The following PKHD1L1 variants were observed in gnomAD, a reference collection of about 807,000 sequenced individuals.
PKHD1L1 encodes PKHD1 like 1.
In PKHD1L1, 434 loss-of-function variants were observed where a neutral mutation model predicts 462.9. The observed-to-expected ratio is 0.94, with a 90% CI of 0.87 to 1.02. The LOEUF (loss-of-function observed/expected upper bound fraction) is 1.02. Ranked by LOEUF, PKHD1L1 falls within the 50% of genes least tolerant of loss-of-function variation. The pLI is 0.00. For missense variants in PKHD1L1, 5,202 were observed against 5,096.1 expected (o/e 1.02, Z -0.63); for synonymous variants, 1,781 against 1,750.0 (o/e 1.02, Z -0.44).
At chr8:109,398,857 T>C (rs1244761588) in intron 12 of PKHD1L1, among the ~76,000 whole-genome samples, 1 of 152,140 alleles carries the variant, frequency 6.6e-6, no homozygotes, top group Non-Finnish European at 1.5e-5. Context: ...TAAAACTTGG[T>C]ATAGTCTACA....
At chr8:109,518,088 A>C in intron 72 of PKHD1L1, 79 bp from the exon 73 acceptor site, 1 of 919,294 alleles carries the variant, frequency 1.1e-6, no homozygotes, top group South Asian at 2.0e-5. Context: ...TCTAAATTCA[A>C]ACAAACATTA....
chr8:109,470,739 C>A, intron 50 of PKHD1L1: 1 of 1,558,350 alleles, frequency 6.4e-7, no homozygotes, highest in Non-Finnish European at 8.8e-7. Context: ...CTTCTTGGGA[C>A]AGCCAGTTTC....
Position 109,429,342 on chromosome 8 carries a change from T to G in PKHD1L1, c.3003T>G (p.Ile1001Met), listed in dbSNP as rs1486571609. The stretch of plus-strand genomic sequence containing the variant: ...AAAATAATTGTGTGTAAAAATAGAT[T>G]AATGATTCCAACATTATTGGAGAAA... ...STCGKQNLLQ[I>M]NDSNIIGEKA... The change falls in exon 26 of 78, where the codon ATT becomes ATG. Residue 1001 changes from isoleucine to methionine, a missense_variant and splice_region_variant. By Grantham distance (10) the Ile-to-Met change is conservative (BLOSUM62 1). Around this residue, in one of 3 missense-constraint regions of PKHD1L1, gnomAD observed 4,497 missense variants for 4,336.8 expected, o/e 1.04. Transcript: ENST00000378402. 1 of 1,505,900 alleles carries G rather than the reference T, an allele frequency of 6.6e-7. No homozygotes were observed. Among genetic ancestry groups the G allele is most frequent in the African/African-American group, 1.4e-5 (1 of 72,310 alleles). The allele number at this position is 1,505,900 out of a possible 1,614,324, so 93.3% of individuals were successfully genotyped here.
intron 46 of PKHD1L1, 123 bp from the exon 47 acceptor site, chr8:109,459,472 A>T (rs1323797264): frequency 1.5e-6 from 1 of 655,626 alleles, no homozygotes; most frequent in Admixed American, 3.8e-5. Context: ...TCAGAATATT[A>T]TATGACATAA....
rs370886001 is a variant in PKHD1L1 at position 109,424,059 on chromosome 8, C to T, written c.2698-1026C>T. Among the ~76,000 whole-genome samples, 17 of 152,252 alleles carry T rather than the reference C, an allele frequency of 1.1e-4. No homozygotes were observed. In the East Asian group the frequency reaches 2.1e-3, roughly 19 times the overall value. On this transcript the variant is annotated intron_variant, in intron 23 of 77. Coordinates refer to ENST00000378402, the MANE Select transcript of PKHD1L1 (RefSeq NM_177531.6). The stretch of plus-strand genomic sequence containing the variant: ...AAGTAGATACACTCATGTAATCACA[C>T]CCAAATGAAGATAATCATTAGCTCC...
chr8:109,529,808 A>T (rs1463704010), intron 77 of PKHD1L1, among the ~76,000 whole-genome samples: 1 of 152,090 alleles, frequency 6.6e-6, no homozygotes, highest in Non-Finnish European at 1.5e-5. Context: ...TTTTAAGAGG[A>T]TCATGAAGTT....
intron 23 of PKHD1L1, among the ~76,000 whole-genome samples, chr8:109,422,637 G>C (rs1388761374): frequency 6.6e-6 from 1 of 151,998 alleles, no homozygotes; most frequent in Non-Finnish European, 1.5e-5. Context: ...CATTTGAGTT[G>C]TTTCTTGGTT....
At chr8:109,424,544 T>C (rs186052435) in intron 23 of PKHD1L1, among the ~76,000 whole-genome samples, 1 of 152,320 alleles carries the variant, frequency 6.6e-6, no homozygotes, top group East Asian at 1.9e-4. Flanking sequence ...GGGGTTACAA[T>C]CTATGAATTT....
At chr8:109,512,483 T>G (rs1820043475) in intron 71 of PKHD1L1, among the ~76,000 whole-genome samples, 1 of 152,196 alleles carries the variant, frequency 6.6e-6, no homozygotes, top group Non-Finnish European at 1.5e-5. Flanking sequence ...TTTTCTCGGG[T>G]TTGCCAAAGA....
At chr8:109,428,879 T>C (rs1216949675) in intron 25 of PKHD1L1, among the ~76,000 whole-genome samples, 2 of 152,026 alleles carry the variant, frequency 1.3e-5, no homozygotes, top group African/African-American at 4.8e-5. Flanking sequence ...AACATATAAT[T>C]CCAAAATTGG....
chr8:109,477,218 C>T lies in PKHD1L1; in HGVS notation c.8918-7C>T. ...GTTCATTTAACCCACTTTTACTTCA[C>T]TTTCAGTGTCAGGAAGAAATGACCT... On this transcript the variant is annotated splice_region_variant and splice_polypyrimidine_tract_variant and intron_variant, in intron 52 of 77. Coordinates refer to ENST00000378402, the MANE Select transcript of PKHD1L1 (RefSeq NM_177531.6). 6.2e-7 allele frequency: 1 copy of T among 1,612,856 alleles called. No homozygotes were observed. Among genetic ancestry groups the T allele is most frequent in the Non-Finnish European group, 8.5e-7 (1 of 1,179,446 alleles).
rs141042741 is a variant in PKHD1L1, at chr8:109,377,872, C to G, written c.164-3498C>G. Among the ~76,000 whole-genome samples, 5 of 152,140 alleles carry G rather than the reference C, an allele frequency of 3.3e-5. No homozygotes were observed. The South Asian group carries it at 1.0e-3, about 32-fold the overall frequency. On this transcript the variant is annotated intron_variant, in intron 2 of 77. Coordinates refer to ENST00000378402, the MANE Select transcript of PKHD1L1 (RefSeq NM_177531.6). ...TATTGTTTCAAAAATATAAAATATT[C>G]TTATATGGCATACAAGGCTTAATCT...
intron 51 of PKHD1L1, among the ~76,000 whole-genome samples, chr8:109,475,737 C>T (rs1817950680): frequency 6.7e-6 from 1 of 148,984 alleles, no homozygotes; most frequent in South Asian, 2.1e-4. Context: ...GTCCCAGCTA[C>T]TTGGGGAGAC....
chr8:109,464,247 G>A lies in PKHD1L1; in HGVS notation c.7415G>A (p.Gly2472Glu), dbSNP rs1403167838. Reference sequence around the variant, plus strand: ...CATGCTGGCCAGGCTTTCCGGTTGGGGCGATATCCAATACATTGGCACCTG... The same window carrying A: ...CATGCTGGCCAGGCTTTCCGGTTGGAGCGATATCCAATACATTGGCACCTG... ...VFHAGQAFRLGRYPIHWHLLG... is the reference protein window; with the variant it reads ...VFHAGQAFRLERYPIHWHLLG... The change falls in exon 49 of 78, where the codon GGG (glycine) becomes GAG (glutamate). Residue 2472 changes from glycine (G) to glutamate (E), a missense_variant. Transcript: ENST00000378402. The A allele has an allele frequency of 6.2e-7, 1 of 1,607,000 alleles. No individual in the cohort carries two copies. Among genetic ancestry groups the A allele is most frequent in the Non-Finnish European group, 8.5e-7 (1 of 1,174,590 alleles).
rs577601432 is a variant in PKHD1L1 at position 109,491,017 on chromosome 8, C to T, written c.10030C>T (p.His3344Tyr). 5 of 1,609,530 alleles carry T rather than the reference C, an allele frequency of 3.1e-6. No individual in the cohort carries two copies. In the African/African-American group the frequency reaches 6.7e-5, roughly 22 times the overall value. Residue 3344 changes from histidine (H) to tyrosine (Y), a missense_variant, in exon 61 of 78, where the codon CAT becomes TAT. This residue lies in a region of PKHD1L1 where 4,497 missense variants were observed against 4,336.8 expected (regional missense o/e 1.04). Coordinates refer to ENST00000378402, the MANE Select transcript of PKHD1L1 (RefSeq NM_177531.6). ...SSYIRGCAFH[H>Y]GFSPAIGVFG... Reference sequence around the variant, plus strand: ...TTATATTCGAGGCTGTGCTTTTCACCATGGCTTCTCTCCAGCAATTGGTGT... The same window carrying T: ...TTATATTCGAGGCTGTGCTTTTCACTATGGCTTCTCTCCAGCAATTGGTGT...
At chr8:109,415,916 T>C (rs990940559) in intron 21 of PKHD1L1, among the ~76,000 whole-genome samples, 9 of 145,750 alleles carry the variant, frequency 6.2e-5, no homozygotes, top group African/African-American at 1.6e-4. Flanking sequence ...TAGGAAATCA[T>C]AGTCTTCCGT....
chr8:109,476,340 A>C (rs1244987892), intron 51 of PKHD1L1, among the ~76,000 whole-genome samples, 168 bp from the exon 52 acceptor site: 1 of 152,114 alleles, frequency 6.6e-6, no homozygotes, highest in Non-Finnish European at 1.5e-5. Flanking sequence ...ATTGTCATAG[A>C]CATGTAAAAC....
At chr8:109,386,057 A>T (rs1025562375) in intron 6 of PKHD1L1, among the ~76,000 whole-genome samples, 1 of 152,184 alleles carries the variant, frequency 6.6e-6, no homozygotes, top group Non-Finnish European at 1.5e-5. Context: ...CACAGTTTTG[A>T]CACATTTTCT....
intron 28 of PKHD1L1, 127 bp downstream of exon 28, chr8:109,433,343 C>T: frequency 1.2e-6 from 1 of 825,972 alleles, no homozygotes; most frequent in Non-Finnish European, 1.9e-6. Flanking sequence ...TTATCATGAT[C>T]CCTATGGGGT....
Sources: gnomAD v4.1 joint callset for allele counts (sites outside exome capture counted in the v4.1 genomes callset) on GRCh38, gnomAD v4.1.1 for gene constraint, gnomAD v4.1.1 regional missense constraint, MANE v1.5 for transcripts, NCBI Gene and HGNC (gene_info 2026-07-23, HGNC 2026-07-21) for gene names.